The following LRBA variants were observed in gnomAD, a reference collection of about 807,000 sequenced individuals.
LRBA encodes the protein LPS responsive beige-like anchor protein, also known as lipopolysaccharide-responsive and beige-like anchor protein.
A neutral mutation model predicts 330.0 loss-of-function variants in LRBA; 176 were observed. The observed-to-expected ratio is 0.53, with a 90% CI of 0.47 to 0.60. The LOEUF (loss-of-function observed/expected upper bound fraction) is 0.60. Ranked by LOEUF, LRBA falls within the 20% of genes least tolerant of loss-of-function variation. The probability of loss-of-function intolerance (pLI) is 0.00; values close to 1 mark genes in which losing one functional copy is unlikely to be tolerated. For missense variants in LRBA, 3,259 were observed against 3,444.8 expected (o/e 0.95, Z 1.35); for synonymous variants, 1,230 against 1,193.0 (o/e 1.03, Z -0.64).
At chr4:150,361,323 G>A (rs1738659983) in intron 47 of LRBA, among the ~76,000 whole-genome samples, 1 of 152,080 alleles carries the variant, frequency 6.6e-6, no homozygotes, top group Admixed American at 6.5e-5. Flanking sequence ...TGCAATATGA[G>A]GTCAACAATA....
At chr4:150,518,102 G>A (rs1183343148) in intron 40 of LRBA, among the ~76,000 whole-genome samples, 2 of 152,078 alleles carry the variant, frequency 1.3e-5, no homozygotes, top group East Asian at 3.9e-4. Flanking sequence ...TTCACTTCGA[G>A]GAATCATTTT....
chr4:150,346,783 A>AAAAAAAAAAAAAAAC (rs1736408222), intron 48 of LRBA, among the ~76,000 whole-genome samples: 3 of 133,468 alleles, frequency 2.2e-5, no homozygotes, highest in African/African-American at 7.8e-5. Context: ...AAAAAAAAAA[A>AAAAAAAAAAAAAAAC]AAAACACTTA....
chr4:150,533,702 G>A (rs1300400470), intron 40 of LRBA, among the ~76,000 whole-genome samples: 1 of 152,130 alleles, frequency 6.6e-6, no homozygotes, highest in Admixed American at 6.5e-5. Context: ...GCCCTGGAGG[G>A]ACGCTGCAGG....
intron 47 of LRBA, among the ~76,000 whole-genome samples, chr4:150,361,033 T>C (rs930713389): frequency 2.0e-5 from 3 of 152,214 alleles, no homozygotes; most frequent in African/African-American, 7.2e-5. Context: ...AGAATTACCA[T>C]ATAGCCATAG....
At chr4:150,349,968 G>C (rs772592869) in intron 48 of LRBA, 24 bp downstream of exon 48, 2 of 1,607,496 alleles carry the variant, frequency 1.2e-6, no homozygotes, top group Non-Finnish European at 1.7e-6. Flanking sequence ...ACTATAAGTT[G>C]CTTTCTCAAT....
chr4:150,916,816 T>A (rs994443920), intron 5 of LRBA, 78 bp from the exon 6 acceptor site: 2 of 1,134,570 alleles, frequency 1.8e-6, no homozygotes, highest in Admixed American at 2.5e-5. Context: ...GACTTTGCAA[T>A]GCTACATATA....
intron 2 of LRBA, among the ~76,000 whole-genome samples, chr4:150,937,962 G>A (rs1735259213): frequency 6.6e-6 from 1 of 151,666 alleles, no homozygotes; most frequent in Non-Finnish European, 1.5e-5. Context: ...CTGGAATACT[G>A]TGTGACTCAC....
At chr4:150,483,256 C>T (rs1757499451) in intron 42 of LRBA, among the ~76,000 whole-genome samples, 1 of 151,820 alleles carries the variant, frequency 6.6e-6, no homozygotes, top group Admixed American at 6.6e-5. Flanking sequence ...CATTTTCCCC[C>T]CTGGGCATAC....
At chr4:150,267,169 A>AACAAT (rs1219413135) in intron 56 of LRBA, among the ~76,000 whole-genome samples, 1 of 152,210 alleles carries the variant, frequency 6.6e-6, no homozygotes, top group African/African-American at 2.4e-5. Context: ...AGGACACTTG[A>AACAAT]ACAATACGAT....
At chr4:150,619,333 C>T (rs1776081165) in intron 37 of LRBA, among the ~76,000 whole-genome samples, 2 of 151,772 alleles carry the variant, frequency 1.3e-5, no homozygotes, top group Middle Eastern at 6.8e-3. Flanking sequence ...GCTTTTTTTC[C>T]CTCTCCAGGA....
intron 35 of LRBA, among the ~76,000 whole-genome samples, chr4:150,742,501 A>C (rs996971200): frequency 8.5e-5 from 13 of 152,064 alleles, no homozygotes; most frequent in African/African-American, 3.1e-4. Flanking sequence ...CCACTAGAAA[A>C]TGCCCACCTA....
chr4:150,597,162 G>A (rs371273847), intron 38 of LRBA: 48 of 939,476 alleles, frequency 5.1e-5, no homozygotes, highest in Non-Finnish European at 7.3e-5. Context: ...AATTACTATC[G>A]AGAGTAATCA....
At chr4:150,719,811 T>C (rs1299751524) in intron 36 of LRBA, among the ~76,000 whole-genome samples, 1 of 152,082 alleles carries the variant, frequency 6.6e-6, no homozygotes, top group East Asian at 1.9e-4. Flanking sequence ...AAGCAAGAAA[T>C]TGAAAAATGC....
chr4:150,733,596 AC>A (rs1730793271), intron 36 of LRBA, among the ~76,000 whole-genome samples: 1 of 150,878 alleles, frequency 6.6e-6, no homozygotes, highest in Non-Finnish European at 1.5e-5. Context: ...ACACACACAC[AC>A]ACCTCAAGAC....
chr4:150,481,298 T>C (rs1757269512), intron 42 of LRBA, among the ~76,000 whole-genome samples: 1 of 152,118 alleles, frequency 6.6e-6, no homozygotes, highest in African/African-American at 2.4e-5. Context: ...GCAATAAACA[T>C]GGTGGGTGCA....
At chr4:150,434,860 G>GAA (rs113555857) in intron 46 of LRBA, among the ~76,000 whole-genome samples, 1 of 134,936 alleles carries the variant, frequency 7.4e-6, no homozygotes, top group Non-Finnish European at 1.6e-5. Context: ...CTTGTTTCAA[G>GAA]AAAAAAAAAA....
At chr4:150,859,744 T>G (rs1203359952) in intron 22 of LRBA, among the ~76,000 whole-genome samples, 1 of 152,226 alleles carries the variant, frequency 6.6e-6, no homozygotes, top group African/African-American at 2.4e-5. Flanking sequence ...AGCAGCAGCA[T>G]GTATCCTGAT....
chr4:150,578,821 C>T (rs1770858014), intron 40 of LRBA, among the ~76,000 whole-genome samples: 1 of 152,182 alleles, frequency 6.6e-6, no homozygotes, highest in Non-Finnish European at 1.5e-5. Flanking sequence ...AAATTCAGAT[C>T]ACACCCTGAA....
In LRBA at chr4:150,532,268, G is replaced by A. The variant is rs558262664; in HGVS notation, c.6331-41233C>T. On this transcript the variant is annotated intron_variant, in intron 40 of 56. Transcript: ENST00000651943. ...AATGGTTAATAACATGCTACAAATT[G>A]AACTTCAATCACTTCATTTTCTCCT... Among the ~76,000 whole-genome samples, 3 of 152,246 alleles carry A rather than the reference G, an allele frequency of 2.0e-5. No individual in the cohort carries two copies. In the South Asian group the frequency reaches 6.2e-4, roughly 32 times the overall value.
Sources: allele counts gnomAD v4.1 joint callset (sites outside exome capture counted in the v4.1 genomes callset), GRCh38; gene constraint gnomAD v4.1.1; transcripts MANE v1.5; gene names NCBI Gene and HGNC (gene_info 2026-07-23, HGNC 2026-07-21).